The following LGR5 variants were observed in gnomAD, a reference collection of about 807,000 sequenced individuals.
The protein encoded by LGR5 is leucine-rich repeat-containing G protein-coupled receptor 5.
In LGR5, 54 loss-of-function variants were observed where a neutral mutation model predicts 76.7. The observed-to-expected ratio is 0.70, with a 90% CI of 0.57 to 0.88. The LOEUF is 0.88. LGR5 is among the 40% of genes least tolerant of loss of function. The probability of loss-of-function intolerance (pLI) is 0.00; values close to 1 mark genes in which losing one functional copy is unlikely to be tolerated. For missense variants in LGR5, 1,078 were observed against 1,073.3 expected (o/e 1.00, Z -0.06); for synonymous variants, 406 against 421.9 (o/e 0.96, Z 0.46).
chr12:71,573,583 T>C (rs1878713724), intron 13 of LGR5, among the ~76,000 whole-genome samples: 1 of 152,204 alleles, frequency 6.6e-6, no homozygotes, highest in Admixed American at 6.5e-5. Flanking sequence ...GTTAAAACTT[T>C]TCTATACTGA....
chr12:71,485,834 C>T (rs377212264), intron 1 of LGR5, among the ~76,000 whole-genome samples: 5 of 151,190 alleles, frequency 3.3e-5, no homozygotes, highest in Non-Finnish European at 7.4e-5. Context: ...GGTGCAATCT[C>T]GGCTCACTGC....
At chr12:71,516,550 G>T (rs1875451377) in intron 2 of LGR5, among the ~76,000 whole-genome samples, 1 of 152,010 alleles carries the variant, frequency 6.6e-6, no homozygotes, top group African/African-American at 2.4e-5. Flanking sequence ...CTCTCCCTAT[G>T]TTTAGAGAGG....
intron 4 of LGR5, among the ~76,000 whole-genome samples, chr12:71,539,530 T>A (rs1291463937): frequency 6.6e-6 from 1 of 152,170 alleles, no homozygotes; most frequent in East Asian, 1.9e-4. Flanking sequence ...CAGGCTGGAG[T>A]ACAGTGGTGC....
chr12:71,570,370 A>G (rs1425565431), intron 11 of LGR5, among the ~76,000 whole-genome samples: 1 of 152,190 alleles, frequency 6.6e-6, no homozygotes, highest in Non-Finnish European at 1.5e-5. Context: ...GAAAATCATT[A>G]GGTAGAAGGC....
chr12:71,578,376 T>C, intron 14 of LGR5, among the ~76,000 whole-genome samples: 1 of 152,186 alleles, frequency 6.6e-6, no homozygotes, highest in East Asian at 1.9e-4. Flanking sequence ...CACCTCTTGC[T>C]CCTTCCTCTC....
chr12:71,566,354 T>A (rs774964340), intron 8 of LGR5, 50 bp from the exon 9 acceptor site: 1 of 1,185,576 alleles, frequency 8.4e-7, no homozygotes, highest in Non-Finnish European at 1.2e-6. Context: ...CAGATATTCA[T>A]CTTTCAAATT....
intron 1 of LGR5, among the ~76,000 whole-genome samples, chr12:71,504,288 AGAGTT>A (rs1942826414): frequency 6.6e-6 from 1 of 152,152 alleles, no homozygotes; most frequent in African/African-American, 2.4e-5. Context: ...AGTTATGTCT[AGAGTT>A]GAGTTATGTC....
intron 7 of LGR5, among the ~76,000 whole-genome samples, chr12:71,560,815 T>G (rs1878020906): frequency 6.6e-6 from 1 of 152,108 alleles, no homozygotes; most frequent in Admixed American, 6.6e-5. Flanking sequence ...GAAAAGTGGA[T>G]CCAGGCAGTT....
At chr12:71,521,982 T>G (rs1445867436) in intron 2 of LGR5, among the ~76,000 whole-genome samples, 1 of 152,148 alleles carries the variant, frequency 6.6e-6, no homozygotes, top group African/African-American at 2.4e-5. Flanking sequence ...AAACTGATGG[T>G]CAATCTCTCT....
chr12:71,456,856 T>G (rs1380510915), intron 1 of LGR5, among the ~76,000 whole-genome samples: 3 of 152,140 alleles, frequency 2.0e-5, no homozygotes, highest in Non-Finnish European at 4.4e-5. Flanking sequence ...AGCCAAAGCT[T>G]TAGAAGCTGA....
intron 1 of LGR5, among the ~76,000 whole-genome samples, chr12:71,483,080 G>A (rs992627456): frequency 1.3e-5 from 2 of 151,644 alleles, no homozygotes; most frequent in Admixed American, 1.3e-4. Flanking sequence ...ATAAGTTACT[G>A]TTATAAGAAA....
chr12:71,475,356 G>A (rs1472030157), intron 1 of LGR5, among the ~76,000 whole-genome samples: 1 of 152,104 alleles, frequency 6.6e-6, no homozygotes, highest in Non-Finnish European at 1.5e-5. Flanking sequence ...TGCCACCCAA[G>A]AGATTTACTA....
chr12:71,566,758 A>T, intron 10 of LGR5, 58 bp downstream of exon 10: 1 of 1,562,680 alleles, frequency 6.4e-7, no homozygotes, highest in Non-Finnish European at 8.8e-7. Context: ...TTAGAGCTTG[A>T]TCAGTCTTAA....
At chr12:71,548,197 A>G (rs1253820030) in intron 4 of LGR5, among the ~76,000 whole-genome samples, 2 of 152,120 alleles carry the variant, frequency 1.3e-5, no homozygotes, top group Non-Finnish European at 2.9e-5. Context: ...TGCCAAGATC[A>G]TTGCTAGAAA....
rs547844104 is a variant in LGR5, at chr12:71,494,192, C to T, written c.213-10422C>T. ...TGATCTCCTGACCTCGTGATCTGCC[C>T]GCCTCGGCCTCCCAAAGTGCTGGGA... is the stretch of plus-strand genomic sequence containing the variant. On this transcript the variant is annotated intron_variant, in intron 1 of 17. Transcript: ENST00000266674. 2.9e-3 allele frequency among the ~76,000 whole-genome samples: 437 copies of T among 150,794 alleles called. 6 individuals carry two copies. Among genetic ancestry groups the T allele is most frequent in the Non-Finnish European group, 4.9e-3 (334 of 67,962 alleles).
chr12:71,551,486 A>G (rs1352506279), intron 4 of LGR5, among the ~76,000 whole-genome samples: 2 of 151,412 alleles, frequency 1.3e-5, no homozygotes, highest in Non-Finnish European at 2.9e-5. Flanking sequence ...CTAAAATACA[A>G]CTCTTCTTTT....
chr12:71,477,906 T>C (rs915631817), intron 1 of LGR5, among the ~76,000 whole-genome samples: 1 of 152,194 alleles, frequency 6.6e-6, no homozygotes, highest in African/African-American at 2.4e-5. Context: ...TGGATACAAC[T>C]CCTTGCCTCT....
chr12:71,505,880 C>A (rs1011507240), intron 2 of LGR5, among the ~76,000 whole-genome samples: 4 of 152,086 alleles, frequency 2.6e-5, no homozygotes, highest in Non-Finnish European at 4.4e-5. Context: ...CACTCTAGGT[C>A]CCAGGCCTTT....
chr12:71,571,083 C>T (rs1878590382), intron 11 of LGR5, among the ~76,000 whole-genome samples: 1 of 152,132 alleles, frequency 6.6e-6, no homozygotes, highest in Admixed American at 6.5e-5. Context: ...GATTTCAAAG[C>T]TCCTGCTATG....
Sources: allele counts gnomAD v4.1 joint callset (sites outside exome capture counted in the v4.1 genomes callset), GRCh38; gene constraint gnomAD v4.1.1; transcripts MANE v1.5; gene names NCBI Gene and HGNC (gene_info 2026-07-23, HGNC 2026-07-21).